Variants in ECM2 observed in about 807,000 individuals in gnomAD.
ECM2 encodes extracellular matrix protein 2.
Under a neutral mutation model 67.5 loss-of-function variants are expected in ECM2, and 57 were observed. The observed-to-expected ratio is 0.84, with a 90% CI of 0.68 to 1.05. The LOEUF is 1.05. Ranked by LOEUF, ECM2 falls within the 50% of genes least tolerant of loss-of-function variation. ECM2 has a pLI of 0.00. For missense variants in ECM2, 741 were observed against 822.8 expected, an observed-to-expected ratio of 0.90 and a Z score of 1.22; for synonymous variants, 258 against 294.5, an observed-to-expected ratio of 0.88 and a Z score of 1.27.
At chr9:92,553,447 A>G in the ECM2 span, among the ~76,000 whole-genome samples, 2 of 152,002 alleles carry the variant, frequency 1.3e-5, no homozygotes, top group Non-Finnish European at 2.9e-5. Flanking sequence ...GTGAAAAAGG[A>G]TGGTGGTATT....
rs928388025 is a variant in ECM2 at position 92,495,426 on chromosome 9, A to G, written c.*889T>C. 6.0e-5 allele frequency: 59 copies of G among 985,204 alleles called. No individual in the cohort carries two copies. The highest frequency in any genetic ancestry group is 7.1e-5 in the Non-Finnish European group (59 of 829,822). 61.0% of individuals were successfully genotyped at this position (985,204 alleles called of 1,614,324 possible). The stretch of plus-strand genomic sequence containing the variant: ...GATGTATTTCAGTAAATTAAGGCAA[A>G]GGAGATAGATGCTATGACCAGTGGT... On this transcript the variant is annotated 3_prime_UTR_variant, in exon 10 of 10. Coordinates refer to ENST00000344604, the MANE Select transcript of ECM2 (RefSeq NM_001393.4).
At chr9:92,496,653 T>C (rs1367355062) in intron 9 of ECM2, among the ~76,000 whole-genome samples, 170 bp from the exon 10 acceptor site, 2 of 152,196 alleles carry the variant, frequency 1.3e-5, no homozygotes, top group Non-Finnish European at 2.9e-5. Flanking sequence ...GATGAAGCCA[T>C]AGAAGCACTA....
At chr9:92,545,223 C>T in the ECM2 span, among the ~76,000 whole-genome samples, 2 of 151,886 alleles carry the variant, frequency 1.3e-5, no homozygotes, top group Non-Finnish European at 2.9e-5. Context: ...CCGGCTCGGA[C>T]CTGGGATGGC....
intron 1 of ECM2, among the ~76,000 whole-genome samples, chr9:92,525,450 A>G (rs1015461849): frequency 7.9e-5 from 12 of 152,256 alleles, no homozygotes; most frequent in African/African-American, 2.9e-4. Flanking sequence ...GACAAATTGC[A>G]TATACCATGA....
At chr9:92,556,180 A>G in the ECM2 span, among the ~76,000 whole-genome samples, 1 of 152,124 alleles carries the variant, frequency 6.6e-6, no homozygotes, top group Non-Finnish European at 1.5e-5. Context: ...TTTAATTTCC[A>G]TGTATTTACA....
chr9:92,546,480 G>A, the ECM2 span, among the ~76,000 whole-genome samples: 1 of 152,090 alleles, frequency 6.6e-6, no homozygotes, highest in East Asian at 1.9e-4. Context: ...GCGAGTCCAC[G>A]AACCCACTGG....
At position 92,502,616 on chromosome 9, in the gene ECM2, T is replaced by C; in HGVS notation, c.1501A>G (p.Thr501Ala). Residue 501 changes from threonine to alanine, a missense_variant, in exon 8 of 10, where the codon ACT (threonine) becomes GCT (alanine). Coordinates refer to ENST00000344604, the MANE Select transcript of ECM2 (RefSeq NM_001393.4). ...CTGGTATGATTGAAACAAATTTCAG[T>C]TATTTCTTCAATTTGGTTATTTTCT... ...YLENNQIEEITEICFNHTRKI... is the reference protein window; with the variant it reads ...YLENNQIEEIAEICFNHTRKI... 6.2e-7 allele frequency: 1 copy of C among 1,601,434 alleles called. No individual in the cohort carries two copies. Among genetic ancestry groups the C allele is most frequent in the Non-Finnish European group, 8.5e-7 (1 of 1,170,634 alleles).
At chr9:92,499,576 T>C (rs1286891601) in intron 9 of ECM2, among the ~76,000 whole-genome samples, 1 of 152,094 alleles carries the variant, frequency 6.6e-6, no homozygotes, top group Non-Finnish European at 1.5e-5. Context: ...TCAAAAAAGG[T>C]GGGACAAACA....
intron 9 of ECM2, among the ~76,000 whole-genome samples, chr9:92,497,328 A>T (rs1203325078): frequency 1.3e-5 from 2 of 150,744 alleles, no homozygotes; most frequent in African/African-American, 4.9e-5. Flanking sequence ...TGATACTTTT[A>T]AAAAGTAAAG....
At chr9:92,524,459 C>T (rs1002494709) in intron 1 of ECM2, among the ~76,000 whole-genome samples, 3 of 152,206 alleles carry the variant, frequency 2.0e-5, no homozygotes, top group African/African-American at 7.2e-5. Flanking sequence ...GGTGTTGCAG[C>T]AGCTGTCATC....
At position 92,495,469 on chromosome 9, in the gene ECM2, T is replaced by C. The variant is rs983139300; in HGVS notation, c.*846A>G. On this transcript the variant is annotated 3_prime_UTR_variant, in exon 10 of 10. Transcript: ENST00000344604. ...CCAGTGGTGCAAAATTTTTCAAAAA[T>C]TTATACATTAGATTTACCTTTACAA... The C allele has an allele frequency of 1.0e-6, 1 of 984,860 alleles. No homozygotes were observed. Among genetic ancestry groups the C allele is most frequent in the African/African-American group, 1.7e-5 (1 of 57,336 alleles). The allele number at this position is 984,860 out of a possible 1,614,324, so 61.0% of individuals were successfully genotyped here.
chr9:92,545,390 C>T, the ECM2 span, among the ~76,000 whole-genome samples: 2 of 152,204 alleles, frequency 1.3e-5, no homozygotes, highest in African/African-American at 4.8e-5. Context: ...ACTTAGCACC[C>T]CGGCCAGCAG....
In ECM2 at chr9:92,533,340, T is replaced by A. The variant is rs1409608229; in HGVS notation, c.-28+2593A>T. Among the ~76,000 whole-genome samples the A allele has an allele frequency of 1.9e-3, 225 of 119,138 alleles. 2 individuals carry two copies. The East Asian group carries it at 0.022, about 11-fold the overall frequency. 78.2% of individuals were successfully genotyped at this position (119,138 alleles called of 152,430 possible). ...AAAAAAAAAAAAAAATATATATATA[T>A]ATATATATATATATATATGCTTTGG... On this transcript the variant is annotated intron_variant, in intron 1 of 9. Transcript: ENST00000344604.
the ECM2 span, among the ~76,000 whole-genome samples, chr9:92,542,607 C>T: frequency 6.6e-6 from 1 of 152,182 alleles, no homozygotes; most frequent in South Asian, 2.1e-4. Flanking sequence ...ATCTCTGCCT[C>T]CCGGGTTCAA....
intron 2 of ECM2, among the ~76,000 whole-genome samples, chr9:92,522,162 C>T (rs1848110854): frequency 6.6e-6 from 1 of 152,092 alleles, no homozygotes; most frequent in Non-Finnish European, 1.5e-5. Context: ...TCTCTGCTCA[C>T]TGCAACCTCC....
At chr9:92,534,674 C>T (rs1166105341) in intron 1 of ECM2, among the ~76,000 whole-genome samples, 1 of 152,074 alleles carries the variant, frequency 6.6e-6, no homozygotes, top group Admixed American at 6.6e-5. Context: ...AAAGTCAATT[C>T]AGAGAGCAAA....
chr9:92,502,771 G>GTAAGA, intron 7 of ECM2, 119 bp from the exon 8 acceptor site: 1 of 781,512 alleles, frequency 1.3e-6, no homozygotes, highest in Non-Finnish European at 1.8e-6. Flanking sequence ...GAGTCTTACT[G>GTAAGA]CTCTTTCAAG....
At chr9:92,525,893 CAAA>C (rs71362395) in intron 1 of ECM2, among the ~76,000 whole-genome samples, 1 of 43,908 alleles carries the variant, frequency 2.3e-5, no homozygotes, top group East Asian at 6.7e-4. Flanking sequence ...ACTCTATCTC[CAAA>C]AAAAAAAAAA....
rs1448777201 is a variant in ECM2, at chr9:92,532,026, TTTATTTTA to T, written c.-28+3899_-28+3906del. 8.5e-5 allele frequency among the ~76,000 whole-genome samples: 11 copies of T among 128,930 alleles called. 3 individuals are homozygous for T. The highest frequency in any genetic ancestry group is 1.4e-4 in the African/African-American group (4 of 29,010). The allele number at this position is 128,930 out of a possible 152,430, so 84.6% of individuals were successfully genotyped here. ...TTTTTTTATTTAATGTTTTTTTTTT[TTTATTTTA>T]TTTTTTTTTTGAGATGAGGTCTCAC... On this transcript the variant is annotated intron_variant, in intron 1 of 9. Coordinates refer to ENST00000344604, the MANE Select transcript of ECM2 (RefSeq NM_001393.4).
Sources: gnomAD v4.1 joint callset for allele counts (sites outside exome capture counted in the v4.1 genomes callset) on GRCh38, gnomAD v4.1.1 for gene constraint, MANE v1.5 for transcripts, NCBI Gene and HGNC (gene_info 2026-07-23, HGNC 2026-07-21) for gene names.